NXPH1: variants seen among roughly 807,000 people sequenced by gnomAD.
NXPH1 encodes the protein neurexophilin-1.
A neutral mutation model predicts 23.7 loss-of-function variants in NXPH1; 5 were observed. That is an observed-to-expected ratio of 0.21 (90% CI 0.11 to 0.44). The LOEUF (loss-of-function observed/expected upper bound fraction) is 0.44. Ranked by LOEUF, NXPH1 falls within the 20% of genes least tolerant of loss-of-function variation. NXPH1 has a pLI of 0.99. For synonymous variants in NXPH1, 144 were observed against 122.2 expected (o/e 1.18, Z -1.18); for missense variants, 324 against 321.6 (o/e 1.01, Z -0.06).
intron 2 of NXPH1, among the ~76,000 whole-genome samples, chr7:8,643,966 G>A (rs1297036134): frequency 6.6e-6 from 1 of 151,960 alleles, no homozygotes; most frequent in Non-Finnish European, 1.5e-5. Context: ...ACTGTAGCAC[G>A]TGCTCATAGA....
chr7:8,633,051 G>A (rs1051184807), intron 2 of NXPH1, among the ~76,000 whole-genome samples: 27 of 152,190 alleles, frequency 1.8e-4, no homozygotes, highest in African/African-American at 6.0e-4. Context: ...AATATTATCA[G>A]TGATGCATCC....
intron 2 of NXPH1, among the ~76,000 whole-genome samples, chr7:8,481,666 A>G (rs1372716774): frequency 6.6e-6 from 1 of 152,168 alleles, no homozygotes; most frequent in Non-Finnish European, 1.5e-5. Context: ...CTTTAATTTC[A>G]TCTTATTTTT....
rs1049233198 is a variant in NXPH1, at chr7:8,434,619, C to G, written c.-247C>G. ...CAAAGCTGGACGAGGCAGCCGGACC[C>G]GTCTGCGCTCGAGCATGGAGACGGA... On this transcript the variant is annotated 5_prime_UTR_variant, in exon 1 of 3. Transcript: ENST00000405863. The surrounding 1 kb of genome is among the most constrained non-coding windows in gnomAD (Gnocchi z 7.6). The G allele has an allele frequency of 1.3e-5, 2 of 152,730 alleles. No homozygotes were observed. Among genetic ancestry groups the G allele is most frequent in the Admixed American group, 6.5e-5 (1 of 15,290 alleles). The allele number at this position is 152,730 out of a possible 1,614,324, so 9.5% of individuals were successfully genotyped here.
chr7:8,640,847 A>G (rs914063062), intron 2 of NXPH1, among the ~76,000 whole-genome samples: 9 of 152,032 alleles, frequency 5.9e-5, no homozygotes, highest in Non-Finnish European at 8.8e-5. Flanking sequence ...CCAATGACTC[A>G]TGGGGCTGGG....
chr7:8,526,911 A>G (rs547472920), intron 2 of NXPH1, among the ~76,000 whole-genome samples: 6 of 152,168 alleles, frequency 3.9e-5, no homozygotes, highest in African/African-American at 1.2e-4. Context: ...TGTCGTGCAT[A>G]AACTTCTGTT....
At chr7:8,747,767 GCACACACA>G in intron 2 of NXPH1, among the ~76,000 whole-genome samples, 1 of 150,568 alleles carries the variant, frequency 6.6e-6, no homozygotes, top group Admixed American at 6.6e-5. Context: ...TTTTATTCAC[GCACACACA>G]CACACACAGT....
At chr7:8,563,806 G>A (rs1818491956) in intron 2 of NXPH1, among the ~76,000 whole-genome samples, 1 of 151,720 alleles carries the variant, frequency 6.6e-6, no homozygotes, top group Non-Finnish European at 1.5e-5. Flanking sequence ...AAATTCTTTG[G>A]GAATGCCACT....
At chr7:8,655,465 C>CACAG (rs1820563667) in intron 2 of NXPH1, among the ~76,000 whole-genome samples, 1 of 133,750 alleles carries the variant, frequency 7.5e-6, no homozygotes, top group Non-Finnish European at 1.6e-5. Flanking sequence ...CACACACACA[C>CACAG]ACACACACAC....
intron 2 of NXPH1, among the ~76,000 whole-genome samples, chr7:8,750,423 C>T (rs931253482): frequency 6.6e-6 from 1 of 152,086 alleles, no homozygotes; most frequent in Non-Finnish European, 1.5e-5. Context: ...ACCTATTGAC[C>T]CGTTCTCTAA....
chr7:8,735,697 A>T (rs1162445904), intron 2 of NXPH1, among the ~76,000 whole-genome samples: 1 of 152,060 alleles, frequency 6.6e-6, no homozygotes, highest in African/African-American at 2.4e-5. Context: ...GTTTGGAATC[A>T]TTTCAGAAGG....
intron 2 of NXPH1, among the ~76,000 whole-genome samples, chr7:8,734,699 C>G (rs1189922204): frequency 1.3e-5 from 2 of 152,038 alleles, no homozygotes; most frequent in Non-Finnish European, 2.9e-5. Flanking sequence ...CTGTAAATGC[C>G]TCTTAGGTCC....
intron 2 of NXPH1, among the ~76,000 whole-genome samples, chr7:8,529,511 A>G (rs946679081): frequency 1.3e-5 from 2 of 152,226 alleles, no homozygotes; most frequent in Non-Finnish European, 2.9e-5. Context: ...TCTATTGTTC[A>G]TGCTGGCAAG....
At chr7:8,613,554 G>T in intron 2 of NXPH1, among the ~76,000 whole-genome samples, 1 of 151,932 alleles carries the variant, frequency 6.6e-6, no homozygotes, top group Non-Finnish European at 1.5e-5. Flanking sequence ...AAGGCTTAGG[G>T]AAAATGCAGA....
At chr7:8,687,839 T>A (rs146181914) in intron 2 of NXPH1, among the ~76,000 whole-genome samples, 102 of 152,324 alleles carry the variant, frequency 6.7e-4, no homozygotes, top group African/African-American at 2.4e-3. Context: ...TATTTCTTTC[T>A]AGAAATAAGC....
intron 2 of NXPH1, among the ~76,000 whole-genome samples, chr7:8,745,506 GT>G (rs112416979): frequency 1.3e-5 from 2 of 150,368 alleles, no homozygotes; most frequent in Non-Finnish European, 3.0e-5. Context: ...AGAATAATAA[GT>G]TTTTTTTTCA....
chr7:8,476,911 T>A (rs1816983608), intron 2 of NXPH1, among the ~76,000 whole-genome samples: 1 of 152,178 alleles, frequency 6.6e-6, no homozygotes, highest in South Asian at 2.1e-4. Context: ...GAGCTGACTA[T>A]AGGAGATCAC....
intron 2 of NXPH1, among the ~76,000 whole-genome samples, chr7:8,734,080 T>G (rs1341561164): frequency 6.6e-6 from 1 of 152,150 alleles, no homozygotes; most frequent in Non-Finnish European, 1.5e-5. Context: ...CCAGTTTCTG[T>G]TTTCTGCATA....
chr7:8,515,767 G>C (rs190300786), intron 2 of NXPH1, among the ~76,000 whole-genome samples: 5 of 152,120 alleles, frequency 3.3e-5, no homozygotes, highest in Non-Finnish European at 7.4e-5. Flanking sequence ...AGGCCTGAGC[G>C]TTTTAATCAC....
intron 2 of NXPH1, among the ~76,000 whole-genome samples, chr7:8,631,075 T>A (rs113016897): frequency 0.023 from 3,434 of 152,236 alleles, 124 homozygotes; most frequent in African/African-American, 0.077. Context: ...TGGCCTCTAG[T>A]GCCATGTATG....
Sources: gnomAD v4.1 joint callset for allele counts (sites outside exome capture counted in the v4.1 genomes callset) on GRCh38, gnomAD v4.1.1 for gene constraint, Gnocchi (gnomAD v3.1) non-coding constraint, MANE v1.5 for transcripts, NCBI Gene and HGNC (gene_info 2026-07-23, HGNC 2026-07-21) for gene names.